Variants in CNTNAP5 observed in about 807,000 individuals in gnomAD.
The protein encoded by CNTNAP5 is contactin-associated protein-like 5.
Under a neutral mutation model 150.2 loss-of-function variants are expected in CNTNAP5, and 72 were observed. That is an observed-to-expected ratio of 0.48 (90% confidence interval 0.40 to 0.58). The LOEUF (loss-of-function observed/expected upper bound fraction) is 0.58. Ranked by LOEUF, CNTNAP5 falls within the 20% of genes least tolerant of loss-of-function variation. The pLI, the probability that CNTNAP5 is intolerant of heterozygous loss-of-function variation, is 0.00. For missense variants in CNTNAP5, 1,636 were observed against 1,626.2 expected, an observed-to-expected ratio of 1.01 and a Z score of -0.10; for synonymous variants, 672 against 619.8, an observed-to-expected ratio of 1.08 and a Z score of -1.25.
intron 6 of CNTNAP5, among the ~76,000 whole-genome samples, chr2:124,455,050 C>A (rs553942738): frequency 8.6e-5 from 13 of 151,656 alleles, no homozygotes; most frequent in African/African-American, 2.9e-4. Flanking sequence ...AAGATCAGAG[C>A]AGAAATAAAT....
At chr2:124,855,477 C>T (rs66491071) in intron 19 of CNTNAP5, among the ~76,000 whole-genome samples, 29,264 of 151,908 alleles carry the variant, frequency 0.19, 3,437 homozygotes, top group African/African-American at 0.33. Context: ...CCAGCCACCT[C>T]GGAGTTTTTT....
chr2:124,536,445 CTG>C (rs1695233436), intron 10 of CNTNAP5, among the ~76,000 whole-genome samples: 1 of 151,892 alleles, frequency 6.6e-6, no homozygotes, highest in Non-Finnish European at 1.5e-5. Context: ...GCCGGGGCAT[CTG>C]TGTTTTAATC....
intron 3 of CNTNAP5, among the ~76,000 whole-genome samples, chr2:124,276,879 C>T (rs1687895421): frequency 6.6e-6 from 1 of 152,102 alleles, no homozygotes; most frequent in Non-Finnish European, 1.5e-5. Flanking sequence ...AGTCTGAAGG[C>T]TGTTATTTTG....
At chr2:124,303,743 T>A (rs979910051) in intron 3 of CNTNAP5, among the ~76,000 whole-genome samples, 4 of 152,180 alleles carry the variant, frequency 2.6e-5, no homozygotes, top group African/African-American at 9.7e-5. Context: ...ATAATAACAA[T>A]AATAACAGAC....
intron 1 of CNTNAP5, among the ~76,000 whole-genome samples, chr2:124,132,323 G>A (rs1429327188): frequency 6.6e-6 from 1 of 152,178 alleles, no homozygotes; most frequent in Non-Finnish European, 1.5e-5. Context: ...ATAAAGTGCA[G>A]AGTTAATGGT....
In CNTNAP5 at chr2:124,504,489, C is replaced by G. The variant is rs934010795; in HGVS notation, c.1260C>G (p.Ser420Arg). The change falls in exon 8 of 24, where the codon AGC becomes AGG. Residue 420 changes from serine to arginine, a missense_variant. Coordinates refer to ENST00000682447, the MANE Select transcript of CNTNAP5 (RefSeq NM_001367498.1). ...LSEGSGTLLL[S>R]LEGGILRLVI... is the part of the protein sequence containing the mutation. ...AGGGCTCGGGAACCCTGCTGCTGAGCCTGGAGGGTGGAATCCTGAGACTCG... is the reference window on the plus strand; with the variant it reads ...AGGGCTCGGGAACCCTGCTGCTGAGGCTGGAGGGTGGAATCCTGAGACTCG... 12 of 1,613,534 alleles carry G rather than the reference C, an allele frequency of 7.4e-6. No individual in the cohort carries two copies. Among genetic ancestry groups the G allele is most frequent in the Non-Finnish European group, 1.0e-5 (12 of 1,179,750 alleles).
chr2:124,459,708 A>G (rs1416931120), intron 6 of CNTNAP5, among the ~76,000 whole-genome samples: 2 of 149,902 alleles, frequency 1.3e-5, no homozygotes, highest in Admixed American at 1.3e-4. Flanking sequence ...TAGTGACTCG[A>G]GATCACACCA....
At chr2:124,403,744 T>C (rs930462962) in intron 3 of CNTNAP5, among the ~76,000 whole-genome samples, 1 of 152,158 alleles carries the variant, frequency 6.6e-6, no homozygotes, top group African/African-American at 2.4e-5. Context: ...ATGCTGCTAA[T>C]AAAGACATAC....
chr2:124,730,216 T>TA (rs578120423), intron 13 of CNTNAP5, among the ~76,000 whole-genome samples: 1 of 152,130 alleles, frequency 6.6e-6, no homozygotes, highest in African/African-American at 2.4e-5. Context: ...AAATCTTAGG[T>TA]AAAAAATGTG....
At chr2:124,465,215 C>T (rs192878602) in intron 6 of CNTNAP5, among the ~76,000 whole-genome samples, 10 of 152,258 alleles carry the variant, frequency 6.6e-5, no homozygotes, top group African/African-American at 2.4e-4. Flanking sequence ...ATGCATTTAA[C>T]ATCAATGCAG....
chr2:124,622,452 A>G (rs185412548), intron 12 of CNTNAP5, among the ~76,000 whole-genome samples: 1 of 152,246 alleles, frequency 6.6e-6, no homozygotes, highest in African/African-American at 2.4e-5. Context: ...TATTTTTATA[A>G]AAGGATGATT....
intron 19 of CNTNAP5, among the ~76,000 whole-genome samples, chr2:124,831,442 A>T (rs1300204558): frequency 6.6e-6 from 1 of 151,832 alleles, no homozygotes; most frequent in African/African-American, 2.4e-5. Flanking sequence ...TTCATGAATA[A>T]CCACTGAATT....
chr2:124,732,766 A>G (rs1050661567), intron 13 of CNTNAP5, among the ~76,000 whole-genome samples: 8 of 152,324 alleles, frequency 5.3e-5, no homozygotes, highest in Admixed American at 3.3e-4. Flanking sequence ...TCAAACTTTA[A>G]TTTATAGTAA....
chr2:124,664,768 C>T (rs1233721442), intron 13 of CNTNAP5, among the ~76,000 whole-genome samples: 1 of 152,240 alleles, frequency 6.6e-6, no homozygotes, highest in Non-Finnish European at 1.5e-5. Context: ...CTCACTGCAA[C>T]TTCTGCCTCC....
chr2:124,352,454 T>C (rs1394883890), intron 3 of CNTNAP5, among the ~76,000 whole-genome samples: 3 of 152,114 alleles, frequency 2.0e-5, no homozygotes, highest in African/African-American at 7.2e-5. Flanking sequence ...GGCCATCCTG[T>C]GAAAGACAAA....
chr2:124,645,176 T>A (rs1558717849), intron 12 of CNTNAP5, among the ~76,000 whole-genome samples: 1 of 152,224 alleles, frequency 6.6e-6, no homozygotes, highest in Admixed American at 6.5e-5. Flanking sequence ...TTTTAAAAGT[T>A]CTGGGTTAAT....
chr2:124,780,226 G>C (rs1021922785), intron 17 of CNTNAP5, among the ~76,000 whole-genome samples: 1 of 152,058 alleles, frequency 6.6e-6, no homozygotes, highest in African/African-American at 2.4e-5. Context: ...TTCTTTTAAG[G>C]GTTCTTAAAT....
At chr2:124,591,771 G>A (rs1026154035) in intron 11 of CNTNAP5, among the ~76,000 whole-genome samples, 1 of 152,050 alleles carries the variant, frequency 6.6e-6, no homozygotes, top group Admixed American at 6.6e-5. Context: ...ATAATTACAA[G>A]CAGTTCAAAA....
intron 1 of CNTNAP5, among the ~76,000 whole-genome samples, chr2:124,133,362 C>G (rs897134433): frequency 6.6e-6 from 1 of 152,160 alleles, no homozygotes; most frequent in African/African-American, 2.4e-5. Context: ...CTTCTTATAT[C>G]AACACCTTTT....
Sources: gnomAD v4.1 joint callset for allele counts (sites outside exome capture counted in the v4.1 genomes callset) on GRCh38, gnomAD v4.1.1 for gene constraint, MANE v1.5 for transcripts, NCBI Gene and HGNC (gene_info 2026-07-23, HGNC 2026-07-21) for gene names.